Variants in CD8B observed in about 807,000 individuals in gnomAD.
CD8B encodes T-cell surface glycoprotein CD8 beta chain.
A neutral mutation model predicts 24.2 loss-of-function variants in CD8B; 6 were observed. The ratio of observed to expected loss-of-function variants is 0.25; its 90% CI spans 0.14 to 0.49. The LOEUF (loss-of-function observed/expected upper bound fraction) is 0.49. Ranked by LOEUF, CD8B falls within the 20% of genes least tolerant of loss-of-function variation. The pLI is 0.98. For synonymous variants in CD8B, 84 were observed against 108.3 expected (o/e 0.78, Z 1.39); for missense variants, 196 against 271.3 (o/e 0.72, Z 1.95).
chr2:86,822,251 G>A, intron 5 of CD8B: 1 of 798,376 alleles, frequency 1.3e-6, no homozygotes, highest in South Asian at 1.7e-5. Context: ...AAAAAAAGAT[G>A]ATATCTGTTT....
At chr2:86,848,980 G>T (rs1353873609) in intron 3 of CD8B, among the ~76,000 whole-genome samples, 1,466 of 141,242 alleles carry the variant, frequency 0.01, no homozygotes, top group Middle Eastern at 0.016. Context: ...GCCTCCCAAA[G>T]TGCTGGGATT....
chr2:86,822,293 A>G lies in CD8B; in HGVS notation c.621-6575T>C, dbSNP rs375100155. 180 of 1,370,214 alleles carry G rather than the reference A, an allele frequency of 1.3e-4. No individual in the cohort carries two copies. In the African/African-American group the frequency reaches 2.2e-3, roughly 17 times the overall value. 84.9% of individuals were successfully genotyped at this position (1,370,214 alleles called of 1,614,324 possible). On this transcript the variant is annotated intron_variant, in intron 5 of 5. Coordinates refer to the CD8B transcript ENST00000331469. ...AGAGTCATGATGACCTCAGAAAGCA[A>G]TATCAGAAGCTATCAAAATGTTTAT...
chr2:86,842,863 G>A (rs549009505), intron 5 of CD8B, among the ~76,000 whole-genome samples: 3 of 152,276 alleles, frequency 2.0e-5, no homozygotes, highest in African/African-American at 7.2e-5. Context: ...AATGAAGAGA[G>A]TGAGGAGGTC....
chr2:86,860,141 G>A (rs1346376667), intron 1 of CD8B, among the ~76,000 whole-genome samples: 2 of 152,278 alleles, frequency 1.3e-5, no homozygotes, highest in Admixed American at 6.5e-5. Flanking sequence ...ATGATGGCGC[G>A]TGCCTCTAAT....
At chr2:86,852,305 ATTTT>A (rs1252801009) in intron 3 of CD8B, among the ~76,000 whole-genome samples, 2 of 152,176 alleles carry the variant, frequency 1.3e-5, no homozygotes, top group Non-Finnish European at 2.9e-5. Flanking sequence ...CTTTGAGTGG[ATTTT>A]TTGTTTGTTA....
intron 5 of CD8B, among the ~76,000 whole-genome samples, chr2:86,827,359 G>A (rs1369193255): frequency 6.6e-6 from 1 of 152,080 alleles, no homozygotes; most frequent in Non-Finnish European, 1.5e-5. Context: ...TGGTGTGGTG[G>A]CTAATGCCTG....
At chr2:86,820,854 G>A (rs1674437084) in intron 5 of CD8B, among the ~76,000 whole-genome samples, 1 of 152,188 alleles carries the variant, frequency 6.6e-6, no homozygotes, top group Non-Finnish European at 1.5e-5. Flanking sequence ...ACCATTGACT[G>A]AGTAGTATGT....
intron 1 of CD8B, among the ~76,000 whole-genome samples, chr2:86,861,096 C>A (rs1326965091): frequency 6.6e-6 from 1 of 152,238 alleles, no homozygotes; most frequent in African/African-American, 2.4e-5. Flanking sequence ...GGCCTTGTCA[C>A]CCCCTGGCAA....
intron 3 of CD8B, among the ~76,000 whole-genome samples, chr2:86,848,829 T>C (rs1266496819): frequency 1.3e-5 from 2 of 151,918 alleles, no homozygotes; most frequent in African/African-American, 4.8e-5. Context: ...CGATTCTCCT[T>C]TCTCAGCCTC....
At chr2:86,853,689 TTATTTTTA>T (rs1021574724) in intron 2 of CD8B, among the ~76,000 whole-genome samples, 9 of 151,922 alleles carry the variant, frequency 5.9e-5, no homozygotes, top group African/African-American at 2.2e-4. Flanking sequence ...TCTGATTTAT[TTATTTTTA>T]TTTATTTATT....
At chr2:86,854,135 G>T (rs1443558068) in intron 2 of CD8B, among the ~76,000 whole-genome samples, 1 of 152,062 alleles carries the variant, frequency 6.6e-6, no homozygotes, top group African/African-American at 2.4e-5. Context: ...AATGATAACT[G>T]CCACCTCCTT....
chr2:86,851,165 T>C (rs1202235985), intron 3 of CD8B, among the ~76,000 whole-genome samples: 2 of 152,144 alleles, frequency 1.3e-5, no homozygotes, highest in African/African-American at 4.8e-5. Context: ...CCATCATTTA[T>C]AAAAGTATGA....
At chr2:86,857,711 C>T (rs981212125) in intron 2 of CD8B, among the ~76,000 whole-genome samples, 95 of 152,128 alleles carry the variant, frequency 6.2e-4, no homozygotes, top group African/African-American at 2.2e-3. Context: ...CACAGTGAGG[C>T]TCTGTCTCAA....
At chr2:86,844,246 G>GC (rs2104546021) in intron 5 of CD8B, among the ~76,000 whole-genome samples, 1 of 151,146 alleles carries the variant, frequency 6.6e-6, no homozygotes, top group South Asian at 2.1e-4. Flanking sequence ...AGCTTAGTGG[G>GC]CCCCAAGAGT....
At chr2:86,833,504 C>T (rs1461681774), downstream of CD8B, among the ~76,000 whole-genome samples, 2 of 140,432 alleles carry the variant, frequency 1.4e-5, no homozygotes, top group Non-Finnish European at 3.2e-5. Flanking sequence ...CTCCCCTCCC[C>T]TCCGCTCTCC....
intron 5 of CD8B, among the ~76,000 whole-genome samples, chr2:86,828,099 A>G (rs1425474123): frequency 6.6e-6 from 1 of 152,218 alleles, no homozygotes; most frequent in Non-Finnish European, 1.5e-5. Context: ...TGGCAAGAGT[A>G]CGTACTTGCA....
chr2:86,818,362 G>A lies in CD8B; in HGVS notation c.621-2644C>T, dbSNP rs900575539. Among the ~76,000 whole-genome samples, 7 of 152,050 alleles carry A rather than the reference G, an allele frequency of 4.6e-5. No homozygotes were observed. In the South Asian group the frequency reaches 1.0e-3, roughly 23 times the overall value. Reference sequence around the variant, plus strand: ...ACTTTATTTTTTTATTGTGCTGCACGGATGTTGTATTTTTAGCAAATTGAA... The same window carrying A: ...ACTTTATTTTTTTATTGTGCTGCACAGATGTTGTATTTTTAGCAAATTGAA... On this transcript the variant is annotated intron_variant, in intron 5 of 5. Coordinates refer to the CD8B transcript ENST00000331469.
At chr2:86,843,914 C>A (rs1558757209) in intron 5 of CD8B, among the ~76,000 whole-genome samples, 2 of 152,214 alleles carry the variant, frequency 1.3e-5, no homozygotes, top group African/African-American at 2.4e-5. Context: ...AAAGCTGGAG[C>A]TTTTGAGCAG....
chr2:86,857,926 T>C lies in CD8B; in HGVS notation c.403+131A>G, dbSNP rs559378266. The C allele has an allele frequency of 2.8e-4, 264 of 951,342 alleles. No individual in the cohort carries two copies. In the African/African-American group the frequency reaches 3.7e-3, roughly 13 times the overall value. The allele number at this position is 951,342 out of a possible 1,614,324, so 58.9% of individuals were successfully genotyped here. ...TGGGTAAGTCTCCACATGTTCTTTCTGTTACTATTAGCAGCAGTGCCATTA... is the reference window on the plus strand; with the variant it reads ...TGGGTAAGTCTCCACATGTTCTTTCCGTTACTATTAGCAGCAGTGCCATTA... On this transcript the variant is annotated intron_variant, in intron 2 of 5. Transcript: ENST00000390655.
Sources: gnomAD v4.1 joint callset for allele counts (sites outside exome capture counted in the v4.1 genomes callset) on GRCh38, gnomAD v4.1.1 for gene constraint, MANE v1.5 for transcripts, NCBI Gene and HGNC (gene_info 2026-07-23, HGNC 2026-07-21) for gene names.